Variants in SPTLC3 observed in about 807,000 individuals in gnomAD.
SPTLC3 encodes the protein serine palmitoyltransferase 3.
SPTLC3 carries 36 observed loss-of-function variants against 59.3 expected under a neutral mutation model. That is an observed-to-expected ratio of 0.61 (90% CI 0.47 to 0.80). The LOEUF (loss-of-function observed/expected upper bound fraction) is 0.80, where lower values mean the gene tolerates loss of function less well. Ranked by LOEUF, SPTLC3 falls within the 30% of genes least tolerant of loss-of-function variation. The pLI is 0.00. For missense variants in SPTLC3, 625 were observed against 685.1 expected, an observed-to-expected ratio of 0.91 and a Z score of 0.98; for synonymous variants, 257 against 240.8, an observed-to-expected ratio of 1.07 and a Z score of -0.62.
At chr20:13,068,385 G>A (rs1720520874) in intron 2 of SPTLC3, among the ~76,000 whole-genome samples, 1 of 152,118 alleles carries the variant, frequency 6.6e-6, no homozygotes, top group Non-Finnish European at 1.5e-5. Context: ...ATATCCTATT[G>A]CAATGCTTTT....
intron 2 of SPTLC3, chr20:13,049,825 T>C (rs1047858128): frequency 6.8e-6 from 1 of 148,148 alleles, no homozygotes; most frequent in African/African-American, 2.5e-5. Flanking sequence ...GTAGACTCGG[T>C]GGGTGGTGAG....
rs372930777 is a variant in SPTLC3, at chr20:13,093,539, G to C, written c.788G>C (p.Arg263Pro). ...CACACATCGCTTGTGCTTGGGGCCC[G>C]ACTCTCAGGTGCAACCATAAGAATC... Reference protein sequence around the residue: ...LNHTSLVLGARLSGATIRIFK... With the variant: ...LNHTSLVLGAPLSGATIRIFK... The change falls in exon 6 of 12, where the codon CGA (arginine) becomes CCA (proline). Residue 263 changes from arginine to proline, a missense_variant. Transcript: ENST00000399002. 14 of 1,613,488 alleles carry C rather than the reference G, an allele frequency of 8.7e-6. No individual in the cohort carries two copies. The highest frequency in any genetic ancestry group is 1.2e-5 in the Non-Finnish European group (14 of 1,179,568).
chr20:13,110,607 G>A (rs1273324762), intron 7 of SPTLC3, among the ~76,000 whole-genome samples: 1 of 152,132 alleles, frequency 6.6e-6, no homozygotes, highest in East Asian at 1.9e-4. Flanking sequence ...TGGCCCGGAT[G>A]CCCCTACCTG....
chr20:13,048,718 T>C (rs1987337695), intron 1 of SPTLC3, among the ~76,000 whole-genome samples: 1 of 152,218 alleles, frequency 6.6e-6, no homozygotes, highest in Non-Finnish European at 1.5e-5. Context: ...CTTCACCCAA[T>C]GGTTTGAGTT....
intron 9 of SPTLC3, among the ~76,000 whole-genome samples, chr20:13,153,165 C>A (rs1419686490): frequency 6.6e-6 from 1 of 152,208 alleles, no homozygotes; most frequent in East Asian, 1.9e-4. Context: ...CTAGCTTTGG[C>A]TGGCTTACTT....
intron 10 of SPTLC3, among the ~76,000 whole-genome samples, chr20:13,155,045 G>A (rs764512599): frequency 6.6e-6 from 1 of 152,062 alleles, no homozygotes; most frequent in African/African-American, 2.4e-5. Context: ...GGTGGGCATG[G>A]TGGTGCATGC....
Position 13,091,097 on chromosome 20 carries a change from C to A in SPTLC3, c.622C>A (p.His208Asn). Residue 208 changes from histidine to asparagine, a missense_variant, in exon 5 of 12, where the codon CAC (histidine) becomes AAC (asparagine). His to Asn is a moderately conservative substitution (Grantham distance 68). Coordinates refer to ENST00000399002, the MANE Select transcript of SPTLC3 (RefSeq NM_018327.4). ...TTTATGTGCAGGCACCTTGGATAAGCACAAGGAGTTGGAGGACCTTGTGGC... is the reference window on the plus strand; with the variant it reads ...TTTATGTGCAGGCACCTTGGATAAGAACAAGGAGTTGGAGGACCTTGTGGC... ...TRHEMGTLDK[H>N]KELEDLVAKF... 1 of 1,613,882 alleles carries A rather than the reference C, an allele frequency of 6.2e-7. No homozygotes were observed. Among genetic ancestry groups the A allele is most frequent in the Non-Finnish European group, 8.5e-7 (1 of 1,179,850 alleles).
intron 1 of SPTLC3, among the ~76,000 whole-genome samples, chr20:13,028,931 G>T (rs1220590511): frequency 6.6e-6 from 1 of 152,188 alleles, no homozygotes; most frequent in East Asian, 1.9e-4. Flanking sequence ...AACAGGTATA[G>T]TCACTTGCCC....
intron 9 of SPTLC3, among the ~76,000 whole-genome samples, chr20:13,127,975 G>A (rs950039350): frequency 3.9e-5 from 6 of 152,154 alleles, no homozygotes; most frequent in Non-Finnish European, 7.3e-5. Flanking sequence ...CTATTCACTC[G>A]TATGTGGCCT....
chr20:13,044,838 T>G (rs1203973023), intron 1 of SPTLC3, among the ~76,000 whole-genome samples: 1 of 152,022 alleles, frequency 6.6e-6, no homozygotes, highest in Non-Finnish European at 1.5e-5. Context: ...CCTGAGCAAA[T>G]CATCTTCATT....
intron 9 of SPTLC3, among the ~76,000 whole-genome samples, chr20:13,136,736 T>G (rs1035910040): frequency 2.0e-4 from 30 of 147,812 alleles, no homozygotes; most frequent in Non-Finnish European, 3.7e-4. Flanking sequence ...ATAAAAGTTA[T>G]ATATATAATA....
rs75483453 is a variant in SPTLC3 at position 13,059,330 on chromosome 20, G to T, written c.303+10200G>T. On this transcript the variant is annotated intron_variant, in intron 2 of 11. Coordinates refer to ENST00000399002, the MANE Select transcript of SPTLC3 (RefSeq NM_018327.4). ...CACTGTTACGTCGCTAGTATCGCCT[G>T]AGAGCTTGCTAGAACTCTCAGACCC... Among the ~76,000 whole-genome samples the T allele has an allele frequency of 7.9e-3, 1,206 of 152,272 alleles. 10 individuals carry two copies. Among genetic ancestry groups the T allele is most frequent in the African/African-American group, 0.027 (1,129 of 41,546 alleles).
At chr20:13,052,346 T>C (rs1207374946) in intron 2 of SPTLC3, among the ~76,000 whole-genome samples, 1 of 152,140 alleles carries the variant, frequency 6.6e-6, no homozygotes, top group Admixed American at 6.5e-5. Context: ...CTGGTCCAGA[T>C]ACTACACTTT....
chr20:13,137,583 T>C (rs1188265659), intron 9 of SPTLC3, among the ~76,000 whole-genome samples: 1 of 152,206 alleles, frequency 6.6e-6, no homozygotes, highest in East Asian at 1.9e-4. Context: ...AGTCCCTGTT[T>C]CTGCTGAGAA....
chr20:13,151,714 A>G lies in SPTLC3; in HGVS notation c.1280-2289A>G, dbSNP rs550914659. Reference sequence around the variant, plus strand: ...TCATTTAGGCCTGATGAGCAAAGGAAAACTTAAAGGAATATTTGAAGTATT... The same window carrying G: ...TCATTTAGGCCTGATGAGCAAAGGAGAACTTAAAGGAATATTTGAAGTATT... On this transcript the variant is annotated intron_variant, in intron 9 of 11. Coordinates refer to ENST00000399002, the MANE Select transcript of SPTLC3 (RefSeq NM_018327.4). Among the ~76,000 whole-genome samples the G allele has an allele frequency of 2.6e-5, 4 of 152,366 alleles. No homozygotes were observed. In the East Asian group the frequency reaches 7.7e-4, roughly 29 times the overall value.
rs1245087410 is a variant in SPTLC3, at chr20:13,072,239, T to C, written c.304-17T>C. On this transcript the variant is annotated splice_polypyrimidine_tract_variant and intron_variant, in intron 2 of 11. Coordinates refer to ENST00000399002, the MANE Select transcript of SPTLC3 (RefSeq NM_018327.4). ...AAGCAAAGAACCAGAGATAACCTTC[T>C]ACCTCTGTTCTAACAGGATTTTGTG... The C allele has an allele frequency of 1.2e-6, 2 of 1,603,536 alleles. No homozygotes were observed. Among genetic ancestry groups the C allele is most frequent in the South Asian group, 1.1e-5 (1 of 88,726 alleles).
chr20:13,152,851 A>T (rs1489454159), intron 9 of SPTLC3, among the ~76,000 whole-genome samples: 1 of 152,162 alleles, frequency 6.6e-6, no homozygotes, highest in Non-Finnish European at 1.5e-5. Context: ...TTTCTCTAAG[A>T]AGGGACCAGA....
intron 1 of SPTLC3, among the ~76,000 whole-genome samples, chr20:13,042,663 G>T (rs1987041288): frequency 6.6e-6 from 1 of 152,150 alleles, no homozygotes; most frequent in Non-Finnish European, 1.5e-5. Flanking sequence ...CATAACCCTT[G>T]CCTGAAGCAG....
rs532143318 is a variant in SPTLC3, at chr20:13,114,563, T to G, written c.933-2943T>G. On this transcript the variant is annotated intron_variant, in intron 7 of 11. Transcript: ENST00000399002. ...ATATGCTGTAGCCTCAGAATACCAT[T>G]TACTCTAAGAATGTAAGCTATTCTC... Among the ~76,000 whole-genome samples, 104 of 152,312 alleles carry G rather than the reference T, an allele frequency of 6.8e-4. 1 individual carries two copies. In the South Asian group the frequency reaches 8.5e-3, roughly 12 times the overall value.
Sources: gnomAD v4.1 joint callset for allele counts (sites outside exome capture counted in the v4.1 genomes callset) on GRCh38, gnomAD v4.1.1 for gene constraint, MANE v1.5 for transcripts, NCBI Gene and HGNC (gene_info 2026-07-23, HGNC 2026-07-21) for gene names.